The following TM9SF2 variants were observed in gnomAD, a reference collection of about 807,000 sequenced individuals.
TM9SF2 encodes the protein transmembrane 9 superfamily member 2.
TM9SF2 carries 13 observed loss-of-function variants against 84.9 expected under a neutral mutation model. That is an observed-to-expected ratio of 0.15 (90% CI 0.10 to 0.24). The LOEUF (loss-of-function observed/expected upper bound fraction) is 0.24. Among genes scored for constraint, TM9SF2 ranks in the 10% least tolerant of loss-of-function variants. TM9SF2 has a pLI of 1.00. For missense variants in TM9SF2, 562 were observed against 818.5 expected, an observed-to-expected ratio of 0.69 and a Z score of 3.82; for synonymous variants, 273 against 285.8, an observed-to-expected ratio of 0.96 and a Z score of 0.45.
At chr13:99,507,792 C>T (rs2046094839) in intron 1 of TM9SF2, among the ~76,000 whole-genome samples, 1 of 152,206 alleles carries the variant, frequency 6.6e-6, no homozygotes, top group Non-Finnish European at 1.5e-5. Context: ...TGTCATTTGC[C>T]ATGACCCTTG....
Position 99,549,251 on chromosome 13 carries a change from T to G in TM9SF2, c.1328+29T>G, listed in dbSNP as rs779815530. 3 of 1,595,726 alleles carry G rather than the reference T, an allele frequency of 1.9e-6. No individual in the cohort carries two copies. The African/African-American group carries it at 4.0e-5, about 21-fold the overall frequency. On this transcript the variant is annotated intron_variant, in intron 12 of 16. Coordinates refer to ENST00000376387, the MANE Select transcript of TM9SF2 (RefSeq NM_004800.3). ...AGTGAATTTTTCAAGAATTACTTTC[T>G]TAACATAGTTACATGTTAGTCCCCA...
intron 2 of TM9SF2, among the ~76,000 whole-genome samples, chr13:99,518,838 T>C (rs572306772): frequency 6.6e-6 from 1 of 151,052 alleles, no homozygotes; most frequent in Admixed American, 6.6e-5. Context: ...GTCCTTAAAC[T>C]CTTGGGTTCA....
chr13:99,556,878 G>A (rs563489888), intron 15 of TM9SF2, among the ~76,000 whole-genome samples: 10 of 152,270 alleles, frequency 6.6e-5, no homozygotes, highest in Admixed American at 4.6e-4. Context: ...GAGCCACCGC[G>A]CCTGGCCACT....
At position 99,542,399 on chromosome 13, in the gene TM9SF2, A is replaced by G. The variant is rs116418702; in HGVS notation, c.1017+732A>G. On this transcript the variant is annotated intron_variant, in intron 9 of 16. Coordinates refer to ENST00000376387, the MANE Select transcript of TM9SF2 (RefSeq NM_004800.3). ...ATCTTAACAAATTTGTATCATTTCA[A>G]CCTTTTGATATATTTAAAATAATTG... Among the ~76,000 whole-genome samples, 184 of 152,292 alleles carry G rather than the reference A, an allele frequency of 1.2e-3. 2 individuals carry two copies. The highest frequency in any genetic ancestry group is 4.2e-3 in the African/African-American group (173 of 41,550).
chr13:99,535,605 G>T (rs1237367140), intron 4 of TM9SF2, among the ~76,000 whole-genome samples: 1 of 152,066 alleles, frequency 6.6e-6, no homozygotes, highest in African/African-American at 2.4e-5. Context: ...TGTACACTGG[G>T]TACTGTTAAA....
At chr13:99,522,488 GC>G (rs1443914125) in intron 3 of TM9SF2, among the ~76,000 whole-genome samples, 2 of 152,238 alleles carry the variant, frequency 1.3e-5, no homozygotes, top group Non-Finnish European at 2.9e-5. Flanking sequence ...CATGTAACTT[GC>G]GAAACACCTC....
rs762104653 is a variant in TM9SF2 at position 99,543,982 on chromosome 13, C to G, written c.1137C>G (p.Thr379=). The G allele has an allele frequency of 1.2e-6, 2 of 1,613,810 alleles. No homozygotes were observed. Among genetic ancestry groups the G allele is most frequent in the Non-Finnish European group, 8.5e-7 (1 of 1,179,884 alleles). The change falls in exon 10 of 17, where the codon ACC becomes ACG. Residue 379 remains threonine, a synonymous_variant. Transcript: ENST00000376387. ...LGSGTQILIM[T]FVTLFFACLG... Reference sequence around the variant, plus strand: ...CCGGGACACAGATTTTAATTATGACCTTTGTGACTCTATGTAAGTGTTAAC... The same window carrying G: ...CCGGGACACAGATTTTAATTATGACGTTTGTGACTCTATGTAAGTGTTAAC...
intron 7 of TM9SF2, 103 bp downstream of exon 7, chr13:99,539,660 C>T (rs1273016899): frequency 9.0e-6 from 7 of 778,992 alleles, no homozygotes; most frequent in East Asian, 2.7e-5. Context: ...AATAAAGAAG[C>T]TATTAATGAG....
rs773443035 is a variant in TM9SF2 at position 99,529,448 on chromosome 13, C to G, written c.334-19C>G. ...TGGATATTTTTTCTGAATTTGCTTTCCACTTCCTTTTAATACAGTTTACGT... is the reference window on the plus strand; with the variant it reads ...TGGATATTTTTTCTGAATTTGCTTTGCACTTCCTTTTAATACAGTTTACGT... On this transcript the variant is annotated intron_variant, in intron 3 of 16. Transcript: ENST00000376387. 2.0e-6 allele frequency: 3 copies of G among 1,482,424 alleles called. No individual in the cohort carries two copies. The highest frequency in any genetic ancestry group is 2.7e-6 in the Non-Finnish European group (3 of 1,119,506). The allele number at this position is 1,482,424 out of a possible 1,614,324, so 91.8% of individuals were successfully genotyped here.
intron 14 of TM9SF2, 54 bp downstream of exon 14, chr13:99,554,509 C>G (rs1360107883): frequency 6.4e-7 from 1 of 1,555,870 alleles, no homozygotes; most frequent in African/African-American, 1.4e-5. Context: ...GTAATATTTC[C>G]TTTTTGTTTG....
At position 99,511,257 on chromosome 13, in the gene TM9SF2, T is replaced by C. The variant is rs116936871; in HGVS notation, c.172-6357T>C. Among the ~76,000 whole-genome samples, 1,505 of 152,324 alleles carry C rather than the reference T, an allele frequency of 9.9e-3. 7 individuals carry two copies. The highest frequency in any genetic ancestry group is 0.016 in the Non-Finnish European group (1,086 of 68,022). On this transcript the variant is annotated intron_variant, in intron 1 of 16. Transcript: ENST00000376387. The stretch of plus-strand genomic sequence containing the variant: ...AGACCACCTAGAATCAACAGTTGTT[T>C]ACATTTTTTCATACTTGTCTTATTT...
intron 4 of TM9SF2, among the ~76,000 whole-genome samples, chr13:99,534,565 A>G (rs7989844): frequency 0.022 from 3,411 of 152,322 alleles, 131 homozygotes; most frequent in African/African-American, 0.078. Flanking sequence ...GCATTGTGAC[A>G]ATATGGGTTA....
At chr13:99,508,564 T>C (rs2046099826) in intron 1 of TM9SF2, among the ~76,000 whole-genome samples, 1 of 151,948 alleles carries the variant, frequency 6.6e-6, no homozygotes, top group Non-Finnish European at 1.5e-5. Context: ...ACTGGGTAAT[T>C]TATAAAGAAA....
chr13:99,543,304 T>C (rs887098647), intron 9 of TM9SF2, among the ~76,000 whole-genome samples: 5 of 152,232 alleles, frequency 3.3e-5, no homozygotes, highest in Non-Finnish European at 5.9e-5. Flanking sequence ...TCCTGACTTA[T>C]TTTGTTTATT....
intron 1 of TM9SF2, among the ~76,000 whole-genome samples, chr13:99,510,175 A>T (rs1469876369): frequency 6.6e-6 from 1 of 152,108 alleles, no homozygotes; most frequent in African/African-American, 2.4e-5. Flanking sequence ...TCCATCTCAG[A>T]CCTCAGCAGC....
At chr13:99,549,796 A>C (rs1230476385) in intron 12 of TM9SF2, among the ~76,000 whole-genome samples, 1 of 152,222 alleles carries the variant, frequency 6.6e-6, no homozygotes, top group African/African-American at 2.4e-5. Context: ...CTGGTGGGCA[A>C]GAACTGACAC....
intron 1 of TM9SF2, among the ~76,000 whole-genome samples, chr13:99,502,441 A>G (rs2046070669): frequency 6.6e-6 from 1 of 152,214 alleles, no homozygotes; most frequent in African/African-American, 2.4e-5. Flanking sequence ...TTTAAGTGTA[A>G]AAGATTTTAA....
intron 16 of TM9SF2, among the ~76,000 whole-genome samples, chr13:99,560,742 C>T (rs1436009095): frequency 2.0e-5 from 3 of 152,082 alleles, no homozygotes; most frequent in South Asian, 2.1e-4. Context: ...AGTGCAGTGG[C>T]GCGATCTCAG....
At chr13:99,547,407 C>T (rs2046287299) in intron 11 of TM9SF2, among the ~76,000 whole-genome samples, 1 of 152,080 alleles carries the variant, frequency 6.6e-6, no homozygotes, top group Admixed American at 6.6e-5. Flanking sequence ...TTGCTGTGTT[C>T]ATAGAAGCAC....
Sources: allele counts gnomAD v4.1 joint callset (sites outside exome capture counted in the v4.1 genomes callset), GRCh38; gene constraint gnomAD v4.1.1; transcripts MANE v1.5; gene names NCBI Gene and HGNC (gene_info 2026-07-23, HGNC 2026-07-21).